POU6F2: variants seen among roughly 807,000 people sequenced by gnomAD.
The protein encoded by POU6F2 is POU class 6 homeobox 2, also known as POU domain, class 6, transcription factor 2.
Under a neutral mutation model 71.3 loss-of-function variants are expected in POU6F2, and 31 were observed. The ratio of observed to expected loss-of-function variants is 0.43; its 90% CI spans 0.33 to 0.59. POU6F2 has a LOEUF of 0.59. POU6F2 is among the 20% of genes least tolerant of loss of function. The pLI is 0.04. For synonymous variants in POU6F2, 347 were observed against 355.7 expected, an observed-to-expected ratio of 0.98 and a Z score of 0.27; for missense variants, 783 against 856.8, an observed-to-expected ratio of 0.91 and a Z score of 1.07.
chr7:39,077,490 G>A (rs576481193), intron 1 of POU6F2, among the ~76,000 whole-genome samples: 3 of 152,308 alleles, frequency 2.0e-5, no homozygotes, highest in Admixed American at 6.5e-5. Flanking sequence ...GCTTGTCTGT[G>A]TTTAAATACA....
chr7:39,455,278 C>A (rs941599229), intron 8 of POU6F2, among the ~76,000 whole-genome samples: 7 of 152,104 alleles, frequency 4.6e-5, no homozygotes, highest in East Asian at 1.9e-4. Flanking sequence ...CCTTAGACAG[C>A]AAATGACTTA....
chr7:39,257,032 C>T (rs1303172828), intron 4 of POU6F2, among the ~76,000 whole-genome samples: 1 of 152,138 alleles, frequency 6.6e-6, no homozygotes, highest in Non-Finnish European at 1.5e-5. Flanking sequence ...CACATGTATA[C>T]CTAAAAGTTT....
chr7:39,222,011 T>G (rs1794373189), intron 4 of POU6F2, among the ~76,000 whole-genome samples: 1 of 152,240 alleles, frequency 6.6e-6, no homozygotes, highest in Non-Finnish European at 1.5e-5. Context: ...TCTTAACTCA[T>G]TTGCAATCTC....
chr7:39,377,200 G>A (rs564890737), intron 5 of POU6F2, among the ~76,000 whole-genome samples: 74 of 150,478 alleles, frequency 4.9e-4, no homozygotes, highest in Admixed American at 2.8e-3. Flanking sequence ...GTGTGATCTC[G>A]GCTCACTGCA....
intron 1 of POU6F2, among the ~76,000 whole-genome samples, chr7:39,076,179 T>C (rs1791000050): frequency 6.6e-6 from 1 of 152,032 alleles, no homozygotes; most frequent in Non-Finnish European, 1.5e-5. Context: ...CTTTTCTCCC[T>C]TCCCTTCCCT....
At chr7:39,353,081 C>G (rs552003065) in intron 5 of POU6F2, among the ~76,000 whole-genome samples, 2 of 152,366 alleles carry the variant, frequency 1.3e-5, no homozygotes, top group South Asian at 4.1e-4. Context: ...CTTGGCCTGA[C>G]TTTGCATTTC....
intron 2 of POU6F2, among the ~76,000 whole-genome samples, chr7:39,201,226 G>A (rs1315756087): frequency 6.6e-6 from 1 of 152,162 alleles, no homozygotes; most frequent in Non-Finnish European, 1.5e-5. Flanking sequence ...TGGAAAACAA[G>A]CCAGAGTTCA....
rs566657190 is a variant in POU6F2 at position 39,353,781 on chromosome 7, C to A, written c.972+13766C>A. On this transcript the variant is annotated intron_variant, in intron 5 of 9. Transcript: ENST00000518318. ...GGGCTGCAGGTCTTCACACTTGATG[C>A]CTGGATTTGACTCGGAAAGTCTGCC... Among the ~76,000 whole-genome samples the A allele has an allele frequency of 2.0e-5, 3 of 152,248 alleles. No individual in the cohort carries two copies. In the South Asian group the frequency reaches 6.2e-4, roughly 32 times the overall value.
chr7:39,208,845 C>G (rs76786350), intron 4 of POU6F2, among the ~76,000 whole-genome samples: 1,704 of 152,190 alleles, frequency 0.011, 37 homozygotes, highest in African/African-American at 0.039. Context: ...AAGGTGAAAG[C>G]CGAAGCAACA....
intron 7 of POU6F2, among the ~76,000 whole-genome samples, chr7:39,448,280 A>G (rs1178129010): frequency 6.6e-6 from 1 of 152,216 alleles, no homozygotes; most frequent in Non-Finnish European, 1.5e-5. Context: ...AAATGATTCT[A>G]GAATTAACAG....
At chr7:39,416,093 TACACACACACACACACAC>T (rs57579748) in intron 6 of POU6F2, among the ~76,000 whole-genome samples, 23 of 139,302 alleles carry the variant, frequency 1.7e-4, no homozygotes, top group African/African-American at 3.5e-4. Flanking sequence ...CTCGAAGGCA[TACACACACACACACACAC>T]ACACACACAC....
intron 8 of POU6F2, among the ~76,000 whole-genome samples, chr7:39,453,787 C>A (rs2116128808): frequency 6.6e-6 from 1 of 152,246 alleles, no homozygotes; most frequent in East Asian, 1.9e-4. Context: ...TATTACATAT[C>A]CTCGGTATGA....
intron 1 of POU6F2, among the ~76,000 whole-genome samples, chr7:39,034,103 G>A (rs949452468): frequency 1.3e-5 from 2 of 152,192 alleles, no homozygotes; most frequent in East Asian, 3.9e-4. Context: ...TTATATTGAA[G>A]TATGCATCAT....
chr7:39,162,706 G>A (rs999770961), intron 2 of POU6F2, among the ~76,000 whole-genome samples: 7 of 152,190 alleles, frequency 4.6e-5, no homozygotes, highest in African/African-American at 1.7e-4. Context: ...TATAAACAAA[G>A]TTAAACACTC....
intron 1 of POU6F2, among the ~76,000 whole-genome samples, chr7:39,004,884 T>C (rs949064327): frequency 2.0e-5 from 3 of 152,166 alleles, no homozygotes; most frequent in Non-Finnish European, 4.4e-5. Context: ...TGCCCTTTCC[T>C]GAGGATTCTA....
intron 4 of POU6F2, among the ~76,000 whole-genome samples, chr7:39,291,178 C>T (rs2128762126): frequency 6.6e-6 from 1 of 152,318 alleles, no homozygotes; most frequent in South Asian, 2.1e-4. Flanking sequence ...TAAAAATTCA[C>T]AAATTAATTC....
intron 4 of POU6F2, among the ~76,000 whole-genome samples, chr7:39,260,815 C>G (rs1784123013): frequency 1.3e-5 from 2 of 151,872 alleles, no homozygotes; most frequent in Admixed American, 1.3e-4. Flanking sequence ...ATACATACAT[C>G]ACATTACACA....
chr7:39,070,867 C>T (rs1790865153), intron 1 of POU6F2, among the ~76,000 whole-genome samples: 2 of 152,198 alleles, frequency 1.3e-5, no homozygotes, highest in Admixed American at 6.5e-5. Context: ...CTGTCTCTCC[C>T]ACTGTAATTT....
At chr7:39,368,704 T>A (rs1786553251) in intron 5 of POU6F2, among the ~76,000 whole-genome samples, 1 of 152,236 alleles carries the variant, frequency 6.6e-6, no homozygotes, top group Non-Finnish European at 1.5e-5. Flanking sequence ...ATGAAGCTGA[T>A]GACTTTTAAG....
Sources: gnomAD v4.1 joint callset for allele counts (sites outside exome capture counted in the v4.1 genomes callset) on GRCh38, gnomAD v4.1.1 for gene constraint, MANE v1.5 for transcripts, NCBI Gene and HGNC (gene_info 2026-07-23, HGNC 2026-07-21) for gene names.